WWOX: variants seen among roughly 807,000 people sequenced by gnomAD.
WWOX encodes the protein WW domain-containing oxidoreductase.
Under a neutral mutation model 46.2 loss-of-function variants are expected in WWOX, and 69 were observed. The ratio of observed to expected loss-of-function variants is 1.49; its 90% CI spans 1.23 to 1.82. The LOEUF is 1.82. WWOX is among the 40% of genes most tolerant of loss of function. The pLI, the probability that WWOX is intolerant of heterozygous loss-of-function variation, is 0.00. For synonymous variants in WWOX, 359 were observed against 202.6 expected, an observed-to-expected ratio of 1.77 and a Z score of -6.56; for missense variants, 919 against 542.6, an observed-to-expected ratio of 1.69 and a Z score of -6.89.
intron 8 of WWOX, among the ~76,000 whole-genome samples, chr16:79,210,281 T>C (rs990067360): frequency 1.3e-5 from 2 of 152,194 alleles, no homozygotes; most frequent in African/African-American, 4.8e-5. Context: ...TTATGGCAGA[T>C]TCTTCACGTC....
chr16:78,262,701 A>G (rs781779669), intron 5 of WWOX, among the ~76,000 whole-genome samples: 46 of 152,194 alleles, frequency 3.0e-4, no homozygotes, highest in African/African-American at 9.4e-4. Context: ...ATTTAGACTT[A>G]CAGACCTGCC....
chr16:78,572,904 T>C (rs904871464), intron 8 of WWOX, among the ~76,000 whole-genome samples: 3 of 152,178 alleles, frequency 2.0e-5, no homozygotes, highest in African/African-American at 7.2e-5. Context: ...CTATATGTTA[T>C]TAAAGTGTAC....
chr16:78,993,280 G>C (rs900417779), intron 8 of WWOX, among the ~76,000 whole-genome samples: 2 of 151,928 alleles, frequency 1.3e-5, no homozygotes, highest in East Asian at 1.9e-4. Context: ...GGGGAGGTTG[G>C]GGAAGGGAGG....
intron 8 of WWOX, among the ~76,000 whole-genome samples, chr16:78,814,928 C>G (rs146983195): frequency 1.3e-5 from 2 of 152,290 alleles, no homozygotes; most frequent in African/African-American, 4.8e-5. Context: ...TGGAAGCTGA[C>G]CATAGTTGGC....
At chr16:78,537,882 C>A (rs904158040) in intron 8 of WWOX, among the ~76,000 whole-genome samples, 2 of 152,134 alleles carry the variant, frequency 1.3e-5, no homozygotes, top group African/African-American at 2.4e-5. Context: ...CGGCCTTCTC[C>A]GGAAGGTTGT....
At chr16:78,414,839 C>A (rs1248866108) in intron 6 of WWOX, among the ~76,000 whole-genome samples, 1 of 152,054 alleles carries the variant, frequency 6.6e-6, no homozygotes, top group African/African-American at 2.4e-5. Context: ...GGCCCATGCC[C>A]AGGAATGACC....
intron 8 of WWOX, among the ~76,000 whole-genome samples, chr16:78,976,582 C>G (rs2046576948): frequency 6.6e-6 from 1 of 152,202 alleles, no homozygotes; most frequent in South Asian, 2.1e-4. Flanking sequence ...GATCTTGCAG[C>G]TGCGAAAAGC....
intron 8 of WWOX, among the ~76,000 whole-genome samples, chr16:78,665,207 C>T (rs558247466): frequency 7.5e-4 from 114 of 152,100 alleles, no homozygotes; most frequent in Non-Finnish European, 1.4e-3. Flanking sequence ...TCCAAGTTGG[C>T]ACGCGGGCTT....
chr16:78,612,779 T>C (rs2045931262), intron 8 of WWOX, among the ~76,000 whole-genome samples: 1 of 152,170 alleles, frequency 6.6e-6, no homozygotes, highest in Non-Finnish European at 1.5e-5. Context: ...ACCCAGCCCA[T>C]GTTAATTTTT....
At position 78,988,752 on chromosome 16, in the gene WWOX, T is replaced by C. The variant is rs116545755; in HGVS notation, c.1057-222856T>C. Among the ~76,000 whole-genome samples the C allele has an allele frequency of 5.8e-3, 879 of 152,266 alleles. 4 individuals are homozygous for C. Among genetic ancestry groups the C allele is most frequent in the African/African-American group, 0.021 (858 of 41,552 alleles). The stretch of plus-strand genomic sequence containing the variant: ...CCTGCATAGCTGTCAAGTTAGTTTC[T>C]TCCCAGAGAGAAAGACCGGTGGCTG... On this transcript the variant is annotated intron_variant, in intron 8 of 8. Coordinates refer to ENST00000566780, the MANE Select transcript of WWOX (RefSeq NM_016373.4).
intron 6 of WWOX, among the ~76,000 whole-genome samples, chr16:78,404,749 T>A (rs775400697): frequency 2.0e-5 from 3 of 152,214 alleles, no homozygotes; most frequent in Non-Finnish European, 4.4e-5. Context: ...AGTTACTTTT[T>A]CTTACTTTCC....
At chr16:79,027,915 G>A (rs1212868734) in intron 8 of WWOX, among the ~76,000 whole-genome samples, 3 of 151,572 alleles carry the variant, frequency 2.0e-5, no homozygotes, top group Non-Finnish European at 4.4e-5. Context: ...GTAGAATTAG[G>A]GAGTTTGCTT....
intron 8 of WWOX, among the ~76,000 whole-genome samples, chr16:78,753,717 G>C (rs2049545598): frequency 6.7e-6 from 1 of 148,184 alleles, no homozygotes; most frequent in African/African-American, 2.5e-5. Context: ...TGGGAGGATT[G>C]CTTGAGCCTG....
At chr16:78,591,937 C>T (rs571756307) in intron 8 of WWOX, among the ~76,000 whole-genome samples, 39 of 152,300 alleles carry the variant, frequency 2.6e-4, no homozygotes, top group Admixed American at 2.2e-3. Context: ...TGCGCTCAAG[C>T]GACCATAACC....
intron 8 of WWOX, among the ~76,000 whole-genome samples, chr16:78,801,724 C>G (rs1024034918): frequency 6.6e-6 from 1 of 152,144 alleles, no homozygotes; most frequent in African/African-American, 2.4e-5. Context: ...GCACCCCCAT[C>G]CTGCCATTGT....
At chr16:79,147,523 C>G (rs376111989) in intron 8 of WWOX, among the ~76,000 whole-genome samples, 1 of 152,130 alleles carries the variant, frequency 6.6e-6, no homozygotes, top group Non-Finnish European at 1.5e-5. Context: ...GAAATCTAGT[C>G]TTGGCTATTG....
chr16:78,398,721 C>G (rs2082344802), intron 6 of WWOX, among the ~76,000 whole-genome samples: 1 of 152,198 alleles, frequency 6.6e-6, no homozygotes, highest in South Asian at 2.1e-4. Context: ...GATGGTGACG[C>G]TGGCAAATTC....
intron 8 of WWOX, among the ~76,000 whole-genome samples, chr16:79,014,058 C>T (rs965913206): frequency 3.3e-5 from 5 of 152,148 alleles, no homozygotes; most frequent in African/African-American, 7.2e-5. Context: ...TCCTGAGAGC[C>T]GCTGGGGAAC....
intron 8 of WWOX, among the ~76,000 whole-genome samples, chr16:78,996,644 C>G (rs952018858): frequency 6.6e-6 from 1 of 152,120 alleles, no homozygotes; most frequent in African/African-American, 2.4e-5. Flanking sequence ...CAGGGAGACT[C>G]TAGTGTGCTC....
Sources: allele counts gnomAD v4.1 joint callset (sites outside exome capture counted in the v4.1 genomes callset), GRCh38; gene constraint gnomAD v4.1.1; transcripts MANE v1.5; gene names NCBI Gene and HGNC (gene_info 2026-07-23, HGNC 2026-07-21).